Variants in PPFIA2 observed in about 807,000 individuals in gnomAD.
PPFIA2 encodes the protein liprin-alpha-2.
Under a neutral mutation model 175.5 loss-of-function variants are expected in PPFIA2, and 46 were observed. The ratio of observed to expected loss-of-function variants is 0.26; its 90% CI spans 0.21 to 0.34. The LOEUF (loss-of-function observed/expected upper bound fraction) is 0.34. Among genes scored for constraint, PPFIA2 ranks in the 10% least tolerant of loss-of-function variants. The pLI, the probability that PPFIA2 is intolerant of heterozygous loss-of-function variation, is 1.00. For missense variants in PPFIA2, 1,179 were observed against 1,506.1 expected (o/e 0.78, Z 3.60); for synonymous variants, 568 against 511.4 (o/e 1.11, Z -1.49).
intron 4 of PPFIA2, among the ~76,000 whole-genome samples, chr12:81,610,444 A>G (rs893065051): frequency 6.6e-6 from 1 of 152,074 alleles, no homozygotes; most frequent in African/African-American, 2.4e-5. Context: ...ATTTTTCCCA[A>G]TTCCTTTTTG....
chr12:81,754,536 T>C (rs1263015350), intron 2 of PPFIA2, among the ~76,000 whole-genome samples: 4 of 152,218 alleles, frequency 2.6e-5, no homozygotes, highest in African/African-American at 9.6e-5. Flanking sequence ...TACATAAACA[T>C]GTGATTTCTA....
At chr12:81,729,118 A>G (rs1596939507) in intron 3 of PPFIA2, among the ~76,000 whole-genome samples, 1 of 151,544 alleles carries the variant, frequency 6.6e-6, no homozygotes, top group East Asian at 1.9e-4. Flanking sequence ...ATTAACTTAA[A>G]TAAGTATTAC....
chr12:81,300,973 AAATACAATAC>A (rs1224204811), intron 22 of PPFIA2, among the ~76,000 whole-genome samples: 1 of 151,856 alleles, frequency 6.6e-6, no homozygotes, highest in African/African-American at 2.4e-5. Context: ...AACTGTCTGA[AAATACAATAC>A]AATACAATAT....
At chr12:81,481,789 TAGA>T (rs2058258182) in intron 4 of PPFIA2, among the ~76,000 whole-genome samples, 1 of 152,066 alleles carries the variant, frequency 6.6e-6, no homozygotes. Context: ...ATAAAAACCC[TAGA>T]AGAATAACTA....
chr12:81,353,047 T>C (rs1595403424), intron 17 of PPFIA2, 72 bp downstream of exon 17: 1 of 1,350,550 alleles, frequency 7.4e-7, no homozygotes, highest in East Asian at 2.3e-5. Flanking sequence ...GCTTCTGATC[T>C]AGTAATTACA....
intron 4 of PPFIA2, among the ~76,000 whole-genome samples, chr12:81,479,903 G>A (rs2057991295): frequency 1.3e-5 from 2 of 152,022 alleles, no homozygotes; most frequent in South Asian, 4.2e-4. Flanking sequence ...CTCTTCTCGA[G>A]GAGTCTCTTT....
At chr12:81,563,192 C>T (rs571503692) in intron 4 of PPFIA2, among the ~76,000 whole-genome samples, 4 of 152,232 alleles carry the variant, frequency 2.6e-5, no homozygotes, top group African/African-American at 9.6e-5. Context: ...TTGCTTCTGT[C>T]TTTTATCTCC....
intron 3 of PPFIA2, among the ~76,000 whole-genome samples, chr12:81,744,536 C>T: frequency 6.6e-6 from 1 of 151,534 alleles, no homozygotes; most frequent in East Asian, 1.9e-4. Flanking sequence ...GATTCTCCTG[C>T]TTCAGTCTCT....
chr12:81,689,385 C>A (rs1456153335), intron 3 of PPFIA2, among the ~76,000 whole-genome samples: 1 of 151,870 alleles, frequency 6.6e-6, no homozygotes, highest in African/African-American at 2.4e-5. Context: ...ATCTATTTTT[C>A]TTCTGGGCAG....
chr12:81,499,545 A>C (rs2060376568), intron 4 of PPFIA2, among the ~76,000 whole-genome samples: 1 of 152,132 alleles, frequency 6.6e-6, no homozygotes, highest in Admixed American at 6.6e-5. Flanking sequence ...CACCACTTAT[A>C]ATCCCTACCA....
At chr12:81,395,471 G>C (rs189738223) in intron 8 of PPFIA2, among the ~76,000 whole-genome samples, 1 of 152,128 alleles carries the variant, frequency 6.6e-6, no homozygotes, top group East Asian at 1.9e-4. Flanking sequence ...ACTTTGGCTT[G>C]TTGAGCGCTT....
At chr12:81,302,850 A>G (rs989658406) in intron 22 of PPFIA2, among the ~76,000 whole-genome samples, 1 of 152,186 alleles carries the variant, frequency 6.6e-6, no homozygotes, top group African/African-American at 2.4e-5. Flanking sequence ...AGAGACAAGC[A>G]ATGCTAGAAA....
intron 4 of PPFIA2, among the ~76,000 whole-genome samples, chr12:81,623,652 T>C (rs544178777): frequency 2.7e-4 from 41 of 152,116 alleles, no homozygotes; most frequent in Admixed American, 4.6e-4. Flanking sequence ...GTGGGTAAAG[T>C]TCCTTAAACC....
In PPFIA2 at chr12:81,325,787, G is replaced by A; in HGVS notation, c.2632C>T (p.Leu878=). Residue 878 remains leucine, a synonymous_variant, in exon 22 of 33, where the codon CTA becomes TTA. Coordinates refer to ENST00000549396, the MANE Select transcript of PPFIA2 (RefSeq NM_003625.5). Reference sequence around the variant, plus strand: ...AATCCCCAAACCTACTTTTTCTTTAGTCTTCGATCCTTCTCAGCTTGAGTT... The same window carrying A: ...AATCCCCAAACCTACTTTTTCTTTAATCTTCGATCCTTCTCAGCTTGAGTT... ...LGTQAEKDRR[L]KKKHELLEEA... 1 of 1,611,456 alleles carries A rather than the reference G, an allele frequency of 6.2e-7. No individual in the cohort carries two copies. Among genetic ancestry groups the A allele is most frequent in the Non-Finnish European group, 8.5e-7 (1 of 1,178,162 alleles).
In PPFIA2 at chr12:81,759,261, A is replaced by T. The variant is rs182848957; in HGVS notation, c.-111+19T>A. The T allele has an allele frequency of 2.7e-5, 4 of 148,466 alleles. No homozygotes were observed. Among genetic ancestry groups the T allele is most frequent in the Admixed American group, 6.8e-5 (1 of 14,760 alleles). 9.2% of individuals were successfully genotyped at this position (148,466 alleles called of 1,614,324 possible). ...TCTGCAAGCCTCTTTGCTTGCTTCAATTGGCCGGAAGAACCAACCTGCTGG... is the reference window on the plus strand; with the variant it reads ...TCTGCAAGCCTCTTTGCTTGCTTCATTTGGCCGGAAGAACCAACCTGCTGG... On this transcript the variant is annotated intron_variant, in intron 1 of 32. Transcript: ENST00000549396.
intron 28 of PPFIA2, among the ~76,000 whole-genome samples, chr12:81,269,102 G>A (rs7135721): frequency 0.19 from 29,304 of 150,612 alleles, 2,929 homozygotes; most frequent in Non-Finnish European, 0.22. Flanking sequence ...GAAAAATGCC[G>A]TTTCTTTTTT....
rs561244273 is a variant in PPFIA2, at chr12:81,711,372, C to T, written c.250-34528G>A. 2.6e-5 allele frequency among the ~76,000 whole-genome samples: 4 copies of T among 151,412 alleles called. 1 individual carries two copies. The East Asian group carries it at 6.0e-4, about 23-fold the overall frequency. On this transcript the variant is annotated intron_variant, in intron 3 of 32. Coordinates refer to ENST00000549396, the MANE Select transcript of PPFIA2 (RefSeq NM_003625.5). The stretch of plus-strand genomic sequence containing the variant: ...TACACATAGAAACACACACATCCAC[C>T]GTTTAACCCACAGAAATGAAATGCC...
In PPFIA2 at chr12:81,281,465, T is replaced by C; in HGVS notation, c.3019-15A>G. ...AAAACCGGACACTAGAATTGTTTTATAGCAGTCAAGTTTCTTAACCAATCA... is the reference window on the plus strand; with the variant it reads ...AAAACCGGACACTAGAATTGTTTTACAGCAGTCAAGTTTCTTAACCAATCA... On this transcript the variant is annotated splice_polypyrimidine_tract_variant and intron_variant, in intron 26 of 32. Transcript: ENST00000549396. 6.4e-7 allele frequency: 1 copy of C among 1,556,716 alleles called. No individual in the cohort carries two copies. Among genetic ancestry groups the C allele is most frequent in the South Asian group, 1.2e-5 (1 of 85,952 alleles).
chr12:81,625,115 G>A (rs886929632), intron 4 of PPFIA2, among the ~76,000 whole-genome samples: 5 of 151,528 alleles, frequency 3.3e-5, no homozygotes, highest in Admixed American at 3.3e-4. Context: ...TGTATGAATA[G>A]ATATAAATTA....
Sources: allele counts gnomAD v4.1 joint callset (sites outside exome capture counted in the v4.1 genomes callset), GRCh38; gene constraint gnomAD v4.1.1; transcripts MANE v1.5; gene names NCBI Gene and HGNC (gene_info 2026-07-23, HGNC 2026-07-21).